SEH1L: variants seen among roughly 807,000 people sequenced by gnomAD.
SEH1L encodes nucleoporin SEH1.
Under a neutral mutation model 49.5 loss-of-function variants are expected in SEH1L, and 18 were observed. The observed-to-expected ratio is 0.36, with a 90% CI of 0.25 to 0.54. SEH1L has a LOEUF of 0.54. Among genes scored for constraint, SEH1L ranks in the 20% least tolerant of loss-of-function variants. SEH1L has a pLI of 0.87. For synonymous variants in SEH1L, 169 were observed against 178.1 expected (o/e 0.95, Z 0.41); for missense variants, 404 against 528.8 (o/e 0.76, Z 2.31).
chr18:12,982,703 T>C, intron 7 of SEH1L, 28 bp downstream of exon 7: 1 of 1,534,170 alleles, frequency 6.5e-7, no homozygotes, highest in South Asian at 1.2e-5. Context: ...GGGTAATTGT[T>C]GGTTTATATT....
chr18:12,986,804 T>TA, intron 8 of SEH1L, 58 bp from the exon 9 acceptor site: 2 of 1,154,724 alleles, frequency 1.7e-6, no homozygotes, highest in Non-Finnish European at 2.1e-6. Context: ...TTTTCTTGTG[T>TA]TTTTTTTTTC....
At chr18:12,961,065 G>A (rs893175355) in intron 3 of SEH1L, among the ~76,000 whole-genome samples, 9 of 152,212 alleles carry the variant, frequency 5.9e-5, no homozygotes, top group African/African-American at 1.4e-4. Flanking sequence ...CAGGGGTTGC[G>A]TCTCTTCTCT....
intron 1 of SEH1L, among the ~76,000 whole-genome samples, chr18:12,949,604 C>A (rs2030384262): frequency 6.6e-6 from 1 of 151,736 alleles, no homozygotes; most frequent in Admixed American, 6.6e-5. Flanking sequence ...AGGCGCCCGC[C>A]ACCACGCCCG....
At chr18:12,983,899 C>G in intron 7 of SEH1L, 141 bp from the exon 8 acceptor site, 2 of 540,664 alleles carry the variant, frequency 3.7e-6, no homozygotes, top group Non-Finnish European at 6.2e-6. Context: ...TAAAAAGTGT[C>G]TTTAATGTTT....
At position 12,952,088 on chromosome 18, in the gene SEH1L, CTG is replaced by C. The variant is rs200082981; in HGVS notation, c.162+185_162+186del. ...TCTCAGAATTTGAGAGTAAGAAAAT[CTG>C]TAATTCTGTAGCATTCTAACATAAT... is the stretch of plus-strand genomic sequence containing the variant. On this transcript the variant is annotated intron_variant, in intron 2 of 8. Transcript: ENST00000399892. Among the ~76,000 whole-genome samples the C allele has an allele frequency of 6.5e-3, 988 of 152,064 alleles. 16 individuals carry two copies. Among genetic ancestry groups the C allele is most frequent in the African/African-American group, 0.022 (926 of 41,484 alleles).
intron 5 of SEH1L, chr18:12,976,636 T>C (rs1187087971): frequency 6.6e-6 from 1 of 152,150 alleles, no homozygotes; most frequent in Non-Finnish European, 1.5e-5. Context: ...TTAGGAATTA[T>C]TGGTTTATAG....
At chr18:12,985,168 T>A in intron 8 of SEH1L, 9 of 1,502,644 alleles carry the variant, frequency 6.0e-6, no homozygotes, top group Non-Finnish European at 8.2e-6. Flanking sequence ...GTATTCTTAT[T>A]GTGCCAATAA....
chr18:12,965,355 A>G (rs1377246977), intron 4 of SEH1L, among the ~76,000 whole-genome samples: 2 of 152,198 alleles, frequency 1.3e-5, no homozygotes, highest in South Asian at 4.1e-4. Flanking sequence ...CAAGATTTAT[A>G]ATATTTACAT....
chr18:12,948,282 A>C (rs755005128), intron 1 of SEH1L, 50 bp downstream of exon 1: 8 of 1,173,898 alleles, frequency 6.8e-6, no homozygotes, highest in Non-Finnish European at 9.9e-6. Context: ...AAGGAAGGGG[A>C]GTGGGTGGGC....
At chr18:12,960,823 G>T (rs1265741687) in intron 3 of SEH1L, among the ~76,000 whole-genome samples, 2 of 152,124 alleles carry the variant, frequency 1.3e-5, no homozygotes, top group African/African-American at 4.8e-5. Context: ...AAATCCATAT[G>T]GGTCTGCAGC....
intron 6 of SEH1L, 32 bp downstream of exon 6, chr18:12,978,924 ATAC>A (rs780801859): frequency 6.2e-7 from 1 of 1,604,414 alleles, no homozygotes; most frequent in African/African-American, 1.3e-5. Flanking sequence ...GAATTTGAAA[ATAC>A]TCTTGCCTTC....
intron 6 of SEH1L, among the ~76,000 whole-genome samples, chr18:12,980,004 A>AC (rs1246829364): frequency 1.1e-4 from 10 of 94,046 alleles, no homozygotes; most frequent in East Asian, 3.6e-4. Context: ...CGCGGGGCTG[A>AC]CCCCCCCACC....
chr18:12,970,781 A>G (rs2031667223), intron 4 of SEH1L, among the ~76,000 whole-genome samples: 1 of 152,206 alleles, frequency 6.6e-6, no homozygotes, highest in South Asian at 2.1e-4. Context: ...TAGTCACAGT[A>G]GGGTTACTTT....
intron 4 of SEH1L, among the ~76,000 whole-genome samples, chr18:12,970,142 TGC>T (rs1203289300): frequency 6.6e-6 from 1 of 152,182 alleles, no homozygotes; most frequent in Non-Finnish European, 1.5e-5. Context: ...AGGTTAGTAG[TGC>T]ACAATACTGA....
chr18:12,949,165 C>T lies in SEH1L; in HGVS notation c.111+933C>T, dbSNP rs373059011. On this transcript the variant is annotated intron_variant, in intron 1 of 8. Transcript: ENST00000399892. ...TACAGGCGTGAGCCACCGCGCCCGGCCTACAAGCAGAATTTCTAATGTGGG... is the reference window on the plus strand; with the variant it reads ...TACAGGCGTGAGCCACCGCGCCCGGTCTACAAGCAGAATTTCTAATGTGGG... Among the ~76,000 whole-genome samples, 23 of 151,944 alleles carry T rather than the reference C, an allele frequency of 1.5e-4. No homozygotes were observed. In the East Asian group the frequency reaches 3.1e-3, roughly 21 times the overall value.
At chr18:12,986,282 A>G (rs1283813169) in intron 8 of SEH1L, 1 of 985,368 alleles carries the variant, frequency 1.0e-6, no homozygotes, top group Non-Finnish European at 1.2e-6. Context: ...ACAGTAGGGC[A>G]CAGTCATTCT....
intron 3 of SEH1L, among the ~76,000 whole-genome samples, chr18:12,962,153 C>T (rs551638612): frequency 2.6e-5 from 4 of 151,952 alleles, no homozygotes; most frequent in African/African-American, 9.7e-5. Flanking sequence ...CCTAGCAACT[C>T]GGGAGGCTGA....
rs2030219458 is a variant in SEH1L, at chr18:12,948,043, C to T, written c.-79C>T. On this transcript the variant is annotated 5_prime_UTR_variant, in exon 1 of 9. Coordinates refer to ENST00000399892, the MANE Select transcript of SEH1L (RefSeq NM_001013437.2). ...GCCGTGCGCTCCCGGGCTGCGAGGTCTGGCTAGGCTACGGGCCACGCGCCG... is the reference window on the plus strand; with the variant it reads ...GCCGTGCGCTCCCGGGCTGCGAGGTTTGGCTAGGCTACGGGCCACGCGCCG... 1.9e-6 allele frequency: 2 copies of T among 1,070,862 alleles called. No individual in the cohort carries two copies. The highest frequency in any genetic ancestry group is 2.8e-6 in the Non-Finnish European group (2 of 726,500). The allele number at this position is 1,070,862 out of a possible 1,614,324, so 66.3% of individuals were successfully genotyped here.
At chr18:12,962,171 A>C (rs1481332892) in intron 3 of SEH1L, among the ~76,000 whole-genome samples, 1 of 151,812 alleles carries the variant, frequency 6.6e-6, no homozygotes, top group Admixed American at 6.6e-5. Flanking sequence ...TGAGGTGGGA[A>C]GATCAGTTGA....
Sources: allele counts gnomAD v4.1 joint callset (sites outside exome capture counted in the v4.1 genomes callset), GRCh38; gene constraint gnomAD v4.1.1; transcripts MANE v1.5; gene names NCBI Gene and HGNC (gene_info 2026-07-23, HGNC 2026-07-21).